Variants in PTPRN2 observed in about 807,000 individuals in gnomAD.
PTPRN2 encodes protein tyrosine phosphatase receptor type N2, also known as receptor-type tyrosine-protein phosphatase N2.
In PTPRN2, 74 loss-of-function variants were observed where a neutral mutation model predicts 118.8. The observed-to-expected ratio is 0.62, with a 90% CI of 0.52 to 0.76. The LOEUF (loss-of-function observed/expected upper bound fraction) is 0.76, where lower values mean the gene tolerates loss of function less well. PTPRN2 is among the 30% of genes least tolerant of loss of function. The pLI, the probability that PTPRN2 is intolerant of heterozygous loss-of-function variation, is 0.00. For synonymous variants in PTPRN2, 641 were observed against 608.0 expected (o/e 1.05, Z -0.80); for missense variants, 1,481 against 1,394.4 (o/e 1.06, Z -0.99).
chr7:158,017,863 C>T, intron 11 of PTPRN2, among the ~76,000 whole-genome samples: 1 of 152,178 alleles, frequency 6.6e-6, no homozygotes, highest in Non-Finnish European at 1.5e-5. Context: ...TGAGGCTGTG[C>T]CCATCGGGGT....
At chr7:157,963,436 T>C (rs1346379104) in intron 11 of PTPRN2, among the ~76,000 whole-genome samples, 5 of 152,264 alleles carry the variant, frequency 3.3e-5, no homozygotes, top group African/African-American at 1.2e-4. Flanking sequence ...TTTGGTTTTA[T>C]TATTTCTTGT....
At chr7:157,688,848 T>TC (rs1361324146) in intron 12 of PTPRN2, among the ~76,000 whole-genome samples, 8 of 150,154 alleles carry the variant, frequency 5.3e-5, no homozygotes, top group South Asian at 2.1e-4. Context: ...TCCCCGTCCC[T>TC]CCCCCCTCGC....
intron 12 of PTPRN2, among the ~76,000 whole-genome samples, chr7:157,840,051 G>A (rs1217687369): frequency 1.3e-5 from 2 of 149,454 alleles, no homozygotes; most frequent in Non-Finnish European, 3.0e-5. Context: ...CACATGGAGT[G>A]TGTGTGACTG....
intron 12 of PTPRN2, among the ~76,000 whole-genome samples, chr7:157,751,354 G>A (rs763248872): frequency 2.0e-5 from 3 of 152,190 alleles, no homozygotes; most frequent in Non-Finnish European, 4.4e-5. Flanking sequence ...TGCGGCGAAC[G>A]CCCTGGCTGT....
chr7:157,890,940 C>A (rs1796761933), intron 12 of PTPRN2, among the ~76,000 whole-genome samples: 1 of 152,238 alleles, frequency 6.6e-6, no homozygotes, highest in South Asian at 2.1e-4. Context: ...CTGCTGGGCA[C>A]CGCAGAGCAA....
At chr7:158,484,085 G>C (rs1438487762) in intron 2 of PTPRN2, among the ~76,000 whole-genome samples, 1 of 152,204 alleles carries the variant, frequency 6.6e-6, no homozygotes, top group Non-Finnish European at 1.5e-5. Flanking sequence ...TCAAGGCTGC[G>C]TTAGGCTAGG....
chr7:157,632,739 A>C lies in PTPRN2; in HGVS notation c.2197-11230T>G, dbSNP rs753957323. On this transcript the variant is annotated intron_variant, in intron 14 of 22. Transcript: ENST00000389418. The surrounding 1 kb of genome is among the most constrained non-coding windows in gnomAD (Gnocchi z 4.3). Reference sequence around the variant, plus strand: ...AGAATTTTAAATGAACAATTTTATGAATCTTATTATCTTATTTAACATCTT... The same window carrying C: ...AGAATTTTAAATGAACAATTTTATGCATCTTATTATCTTATTTAACATCTT... Among the ~76,000 whole-genome samples, 1 of 152,246 alleles carries C rather than the reference A, an allele frequency of 6.6e-6. No individual in the cohort carries two copies. Among genetic ancestry groups the C allele is most frequent in the East Asian group, 1.9e-4 (1 of 5,204 alleles).
At position 157,674,778 on chromosome 7, in the gene PTPRN2, G is replaced by C. The variant is rs577639987; in HGVS notation, c.2001+7947C>G. On this transcript the variant is annotated intron_variant, in intron 13 of 22. Transcript: ENST00000389418. The surrounding 1 kb of genome is among the most constrained non-coding windows in gnomAD (Gnocchi z 4.5). ...TGGAGTCCCACCCTGTCGTGTGCAC[G>C]AGGCTGTCACCTGGAGATTCCGGCC... 6.6e-5 allele frequency among the ~76,000 whole-genome samples: 10 copies of C among 152,348 alleles called. No individual in the cohort carries two copies. The highest frequency in any genetic ancestry group is 2.2e-4 in the African/African-American group (9 of 41,584).
chr7:158,384,961 T>G (rs550551133), intron 2 of PTPRN2, among the ~76,000 whole-genome samples: 26 of 151,930 alleles, frequency 1.7e-4, no homozygotes, highest in African/African-American at 6.3e-4. Context: ...TAAAATCACC[T>G]GCCCGCCCCC....
rs554382974 is a variant in PTPRN2 at position 157,772,218 on chromosome 7, G to C, written c.1789-89281C>G. Among the ~76,000 whole-genome samples, 6 of 143,178 alleles carry C rather than the reference G, an allele frequency of 4.2e-5. No individual in the cohort carries two copies. The East Asian group carries it at 1.3e-3, about 30-fold the overall frequency. The allele number at this position is 143,178 out of a possible 152,430, so 93.9% of individuals were successfully genotyped here. On this transcript the variant is annotated intron_variant, in intron 12 of 22. Transcript: ENST00000389418. ...ACATACATACACAGAGACACACATA[G>C]ACACAGACACACACACATACACACA... is the stretch of plus-strand genomic sequence containing the variant.
chr7:157,847,789 C>T (rs970204846), intron 12 of PTPRN2, among the ~76,000 whole-genome samples: 2 of 148,472 alleles, frequency 1.3e-5, no homozygotes, highest in African/African-American at 2.5e-5. Flanking sequence ...AGCCCTCTCT[C>T]ACTCCATCAT....
chr7:158,341,917 C>T (rs1400315881), intron 2 of PTPRN2, among the ~76,000 whole-genome samples: 1 of 128,546 alleles, frequency 7.8e-6, no homozygotes, highest in African/African-American at 3.0e-5. Context: ...CACCTGCAGA[C>T]GTCACTCACA....
chr7:157,881,363 T>C lies in PTPRN2; in HGVS notation c.1788+17310A>G, dbSNP rs1190609256. Among the ~76,000 whole-genome samples, 4 of 151,952 alleles carry C rather than the reference T, an allele frequency of 2.6e-5. No individual in the cohort carries two copies. Among genetic ancestry groups the C allele is most frequent in the Admixed American group, 1.3e-4 (2 of 15,266 alleles). On this transcript the variant is annotated intron_variant, in intron 12 of 22. Transcript: ENST00000389418. This position sits in a 1 kb window ranked among gnomAD's most constrained non-coding sequence, Gnocchi z 4.7. ...TGTAGGAAGGAGATGCAGACACAGG[T>C]GCACACAGAGGGGTGAGGACTTGAG... is the stretch of plus-strand genomic sequence containing the variant.
intron 11 of PTPRN2, among the ~76,000 whole-genome samples, chr7:158,012,729 T>C (rs1806139548): frequency 6.6e-6 from 1 of 152,208 alleles, no homozygotes. Flanking sequence ...TGGTGTAGCA[T>C]CAGCTCCGGC....
At chr7:157,900,172 C>A (rs185151514) in intron 11 of PTPRN2, among the ~76,000 whole-genome samples, 1 of 152,312 alleles carries the variant, frequency 6.6e-6, no homozygotes, top group African/African-American at 2.4e-5. Context: ...TGCCGGGGAG[C>A]GCCCTTTTCC....
rs1825071562 is a variant in PTPRN2 at position 158,529,694 on chromosome 7, G to A, written c.113-39909C>T. Among the ~76,000 whole-genome samples the A allele has an allele frequency of 6.6e-6, 1 of 152,060 alleles. No homozygotes were observed. Among genetic ancestry groups the A allele is most frequent in the Non-Finnish European group, 1.5e-5 (1 of 68,008 alleles). ...ACACAGCACACACTCACCACACCTGGGCTGTGTCCACCAGCCCCAGGGGCT... is the reference window on the plus strand; with the variant it reads ...ACACAGCACACACTCACCACACCTGAGCTGTGTCCACCAGCCCCAGGGGCT... On this transcript the variant is annotated intron_variant, in intron 1 of 22. Coordinates refer to ENST00000389418, the MANE Select transcript of PTPRN2 (RefSeq NM_002847.5). This position sits in a 1 kb window ranked among gnomAD's most constrained non-coding sequence, Gnocchi z 4.7.
At chr7:158,380,758 A>T (rs1242365784) in intron 2 of PTPRN2, among the ~76,000 whole-genome samples, 1 of 152,224 alleles carries the variant, frequency 6.6e-6, no homozygotes, top group African/African-American at 2.4e-5. Context: ...GCCCTAGCAG[A>T]GGTTCTCCAT....
chr7:158,419,217 G>C (rs1474864438), intron 2 of PTPRN2, among the ~76,000 whole-genome samples: 1 of 152,240 alleles, frequency 6.6e-6, no homozygotes, highest in Admixed American at 6.5e-5. Flanking sequence ...GCAGTAACCT[G>C]TGTGTAGACC....
intron 6 of PTPRN2, among the ~76,000 whole-genome samples, chr7:158,138,819 A>C (rs961203930): frequency 6.6e-6 from 1 of 152,216 alleles, no homozygotes; most frequent in Non-Finnish European, 1.5e-5. Context: ...GGAATGACCA[A>C]GCCAGGAAGA....
Sources: allele counts gnomAD v4.1 joint callset (sites outside exome capture counted in the v4.1 genomes callset), GRCh38; gene constraint gnomAD v4.1.1; non-coding constraint Gnocchi (gnomAD v3.1); transcripts MANE v1.5; gene names NCBI Gene and HGNC (gene_info 2026-07-23, HGNC 2026-07-21).